Variants in PRKCH observed in about 807,000 individuals in gnomAD.
PRKCH encodes protein kinase C eta type.
PRKCH carries 28 observed loss-of-function variants against 82.5 expected under a neutral mutation model. The observed-to-expected ratio is 0.34, with a 90% CI of 0.25 to 0.47. The LOEUF is 0.47. PRKCH is among the 20% of genes least tolerant of loss of function. PRKCH has a pLI of 1.00. For synonymous variants in PRKCH, 322 were observed against 327.4 expected, an observed-to-expected ratio of 0.98 and a Z score of 0.18; for missense variants, 705 against 881.8, an observed-to-expected ratio of 0.80 and a Z score of 2.54.
At chr14:61,487,935 C>T (rs924963477) in intron 10 of PRKCH, among the ~76,000 whole-genome samples, 5 of 151,942 alleles carry the variant, frequency 3.3e-5, no homozygotes, top group African/African-American at 1.2e-4. Context: ...GGGCGGATCA[C>T]GAGGTCAGGA....
intron 1 of PRKCH, among the ~76,000 whole-genome samples, chr14:61,343,351 CAAAAAAAAAAAAA>C (rs57154047): frequency 9.2e-5 from 8 of 87,350 alleles, no homozygotes; most frequent in African/African-American, 1.3e-4. Flanking sequence ...CCAGTTCCCT[CAAAAAAAAAAAAA>C]AAAAAAAAAA....
At position 61,224,518 on chromosome 14, in the gene PRKCH, T is replaced by C. The variant is rs1325178401; in HGVS notation, c.-19+36850T>C. Among the ~76,000 whole-genome samples, 3 of 152,216 alleles carry C rather than the reference T, an allele frequency of 2.0e-5. No individual in the cohort carries two copies. The South Asian group carries it at 6.2e-4, about 31-fold the overall frequency. On this transcript the variant is annotated intron_variant, in intron 1 of 3. Transcript: ENST00000555185. ...ACAGTTGCTCACATTTTGCCTGGTT[T>C]TGATGACCTTGACAGTCCTGAGGAG...
chr14:61,314,327 A>G (rs2045546010), intron 1 of PRKCH, among the ~76,000 whole-genome samples: 1 of 152,212 alleles, frequency 6.6e-6, no homozygotes, highest in Non-Finnish European at 1.5e-5. Flanking sequence ...GCACTTAGAT[A>G]ATATAAAGGA....
At chr14:61,447,821 A>C (rs1462453172) in intron 4 of PRKCH, among the ~76,000 whole-genome samples, 1 of 152,248 alleles carries the variant, frequency 6.6e-6, no homozygotes, top group Non-Finnish European at 1.5e-5. Flanking sequence ...ATATATCATT[A>C]AATGCATACA....
intron 1 of PRKCH, among the ~76,000 whole-genome samples, chr14:61,205,401 G>A (rs548726600): frequency 1.7e-4 from 26 of 152,318 alleles, no homozygotes; most frequent in African/African-American, 6.3e-4. Context: ...TGAGGCATGG[G>A]AAGGGTAGAC....
At chr14:61,191,750 T>C (rs889534690) in intron 1 of PRKCH, among the ~76,000 whole-genome samples, 1 of 152,248 alleles carries the variant, frequency 6.6e-6, no homozygotes, top group Admixed American at 6.5e-5. Context: ...TGGCTTGTAT[T>C]GTTTAGAGCC....
chr14:61,250,189 T>G (rs1392013142), intron 1 of PRKCH, among the ~76,000 whole-genome samples: 2 of 150,828 alleles, frequency 1.3e-5, no homozygotes, highest in Admixed American at 6.6e-5. Context: ...GAACAGAGGT[T>G]GCAGTGAGCC....
intron 1 of PRKCH, among the ~76,000 whole-genome samples, chr14:61,315,125 G>A (rs944753567): frequency 2.0e-5 from 3 of 152,076 alleles, no homozygotes; most frequent in Non-Finnish European, 4.4e-5. Flanking sequence ...AGGACAGTAT[G>A]GCCCCACTTA....
intron 1 of PRKCH, among the ~76,000 whole-genome samples, chr14:61,387,407 A>G (rs1409220083): frequency 6.6e-6 from 1 of 152,238 alleles, no homozygotes; most frequent in African/African-American, 2.4e-5. Context: ...ATAAAGCTCA[A>G]GTGTTATTCC....
chr14:61,323,927 C>T (rs1343932198), intron 1 of PRKCH, among the ~76,000 whole-genome samples: 1 of 152,200 alleles, frequency 6.6e-6, no homozygotes, highest in African/African-American at 2.4e-5. Flanking sequence ...GAACTAGGTT[C>T]TGAATTATGG....
At chr14:61,264,205 A>G (rs1471232093) in intron 1 of PRKCH, among the ~76,000 whole-genome samples, 1 of 152,168 alleles carries the variant, frequency 6.6e-6, no homozygotes, top group Non-Finnish European at 1.5e-5. Context: ...CTTGTCTGTT[A>G]AGAACATTGC....
chr14:61,230,856 G>A (rs2044737519), intron 1 of PRKCH, among the ~76,000 whole-genome samples: 1 of 152,202 alleles, frequency 6.6e-6, no homozygotes, highest in African/African-American at 2.4e-5. Flanking sequence ...TGTTAAAATA[G>A]TCACAAAGGT....
chr14:61,401,293 A>G (rs1467653781), intron 2 of PRKCH, among the ~76,000 whole-genome samples: 1 of 152,206 alleles, frequency 6.6e-6, no homozygotes, highest in Admixed American at 6.5e-5. Context: ...AGTTCAGCAT[A>G]GGTATGATAG....
chr14:61,543,459 T>C (rs2043213284), intron 12 of PRKCH: 2 of 152,248 alleles, frequency 1.3e-5, no homozygotes, highest in Non-Finnish European at 2.9e-5. Context: ...AGACTTACAC[T>C]TGGGGTAGAA....
intron 10 of PRKCH, among the ~76,000 whole-genome samples, chr14:61,511,672 G>T (rs1054077727): frequency 1.3e-5 from 2 of 152,230 alleles, no homozygotes; most frequent in African/African-American, 4.8e-5. Flanking sequence ...GGAAGAGAAG[G>T]CTTGTGCCCT....
intron 10 of PRKCH, chr14:61,492,300 C>T (rs1353210671): frequency 6.6e-6 from 1 of 152,186 alleles, no homozygotes; most frequent in Admixed American, 6.5e-5. Context: ...CTGGAGGAGC[C>T]ATCTATTCAC....
At chr14:61,310,133 T>G (rs2045511579) in intron 1 of PRKCH, among the ~76,000 whole-genome samples, 1 of 152,254 alleles carries the variant, frequency 6.6e-6, no homozygotes, top group Non-Finnish European at 1.5e-5. Context: ...AACCATATCA[T>G]TCCATCCCTG....
intron 1 of PRKCH, among the ~76,000 whole-genome samples, chr14:61,324,093 C>A (rs1294541356): frequency 6.6e-6 from 1 of 152,176 alleles, no homozygotes; most frequent in Non-Finnish European, 1.5e-5. Flanking sequence ...GGCTGTGGGA[C>A]CCCATCATCC....
At position 61,250,311 on chromosome 14, in the gene PRKCH, T is replaced by C. The variant is rs546289619; in HGVS notation, c.-19+62643T>C. 3.3e-4 allele frequency among the ~76,000 whole-genome samples: 50 copies of C among 152,174 alleles called. 1 individual carries two copies. In the South Asian group the frequency reaches 1.0e-2, roughly 30 times the overall value. On this transcript the variant is annotated intron_variant, in intron 1 of 3. Transcript: ENST00000555185. ...GACACGGATGTTGATAGCAGCTTTA[T>C]TCATAATTGCCAGAACTTGGGACAA...
Sources: allele counts gnomAD v4.1 joint callset (sites outside exome capture counted in the v4.1 genomes callset), GRCh38; gene constraint gnomAD v4.1.1; transcripts MANE v1.5; gene names NCBI Gene and HGNC (gene_info 2026-07-23, HGNC 2026-07-21).